SLX9: variants seen among roughly 807,000 people sequenced by gnomAD.
The protein encoded by SLX9 is ribosome biogenesis protein SLX9 homolog.
In SLX9, 19 loss-of-function variants were observed where a neutral mutation model predicts 20.8. The observed-to-expected ratio is 0.91, with a 90% CI of 0.64 to 1.34. The LOEUF is 1.34. Among genes scored for constraint, SLX9 ranks in the 40% most tolerant of loss-of-function variants. SLX9 has a pLI of 0.00. For synonymous variants in SLX9, 113 were observed against 137.1 expected (o/e 0.82, Z 1.23); for missense variants, 299 against 322.2 (o/e 0.93, Z 0.55).
At chr21:44,962,066 C>T (rs1219564886) in intron 3 of SLX9, among the ~76,000 whole-genome samples, 1 of 152,244 alleles carries the variant, frequency 6.6e-6, no homozygotes, top group Admixed American at 6.5e-5. Flanking sequence ...CATCTACCAA[C>T]ATGGGTTTTT....
At chr21:44,953,636 G>C (rs1383133632) in intron 2 of SLX9, among the ~76,000 whole-genome samples, 1 of 152,254 alleles carries the variant, frequency 6.6e-6, no homozygotes, top group Non-Finnish European at 1.5e-5. Context: ...TTCCTTTCCA[G>C]GTGGGATGGG....
chr21:44,967,814 G>A lies in SLX9; in HGVS notation c.500+633G>A, dbSNP rs117896085. On this transcript the variant is annotated intron_variant, in intron 4 of 5. Transcript: ENST00000291634. ...GTCCTCATGGGGCGGGAGCTGCCTC[G>A]TGCGTCCTCCCCAGGAGGGACGGGG... 2.3e-3 allele frequency among the ~76,000 whole-genome samples: 357 copies of A among 152,306 alleles called. 1 individual carries two copies. The highest frequency in any genetic ancestry group is 3.2e-3 in the Non-Finnish European group (219 of 67,994).
intron 4 of SLX9, among the ~76,000 whole-genome samples, chr21:44,970,364 C>G (rs1196730927): frequency 6.6e-6 from 1 of 152,158 alleles, no homozygotes; most frequent in African/African-American, 2.4e-5. Flanking sequence ...GGAGTTCTTG[C>G]AGTTGCCCCC....
intron 2 of SLX9, among the ~76,000 whole-genome samples, chr21:44,951,811 C>G (rs903421618): frequency 1.3e-5 from 2 of 152,076 alleles, no homozygotes; most frequent in Non-Finnish European, 2.9e-5. Flanking sequence ...CAGGAAAGGC[C>G]CTTAGCTAGC....
intron 2 of SLX9, among the ~76,000 whole-genome samples, chr21:44,954,631 C>T (rs2084821554): frequency 6.6e-6 from 1 of 152,336 alleles, no homozygotes; most frequent in Non-Finnish European, 1.5e-5. Flanking sequence ...GCCTGGGCTC[C>T]TCAGCACAGT....
intron 2 of SLX9, among the ~76,000 whole-genome samples, chr21:44,956,927 A>C (rs1328420674): frequency 6.6e-6 from 1 of 152,240 alleles, no homozygotes; most frequent in Non-Finnish European, 1.5e-5. Flanking sequence ...GCAAGAGCCC[A>C]GGCAGCACCG....
chr21:44,961,993 C>G (rs1472964279), intron 3 of SLX9, among the ~76,000 whole-genome samples: 1 of 152,200 alleles, frequency 6.6e-6, no homozygotes, highest in Non-Finnish European at 1.5e-5. Flanking sequence ...AGGGAATACC[C>G]TGTACCCACC....
chr21:44,976,612 T>C, intron 5 of SLX9, 68 bp from the exon 6 acceptor site: 1 of 1,534,514 alleles, frequency 6.5e-7, no homozygotes, highest in Non-Finnish European at 8.8e-7. Flanking sequence ...GTCTGACGTT[T>C]CCGGGTGTTG....
At chr21:44,961,153 A>G (rs8129282) in intron 3 of SLX9, among the ~76,000 whole-genome samples, 8,241 of 152,186 alleles carry the variant, frequency 0.054, 714 homozygotes, top group African/African-American at 0.19. Flanking sequence ...TGGACGGGCT[A>G]CTGGACTGTG....
intron 5 of SLX9, among the ~76,000 whole-genome samples, chr21:44,974,665 C>CA (rs1443164248): frequency 6.6e-6 from 1 of 152,190 alleles, no homozygotes; most frequent in Non-Finnish European, 1.5e-5. Flanking sequence ...TCCTGGGCTG[C>CA]AGCGATCCTC....
chr21:44,941,688 CT>C (rs2070659298), intron 1 of SLX9, among the ~76,000 whole-genome samples: 1 of 152,220 alleles, frequency 6.6e-6, no homozygotes, highest in South Asian at 2.1e-4. Flanking sequence ...AGTCCCTCTG[CT>C]CACTCCTGGT....
At chr21:44,943,572 T>A in intron 1 of SLX9, 112 bp from the exon 2 acceptor site, 1 of 1,428,186 alleles carries the variant, frequency 7.0e-7, no homozygotes, top group Non-Finnish European at 9.6e-7. Flanking sequence ...GCAGAGAAGC[T>A]GGGGAATCCA....
At chr21:44,941,516 T>G (rs552358037) in intron 1 of SLX9, among the ~76,000 whole-genome samples, 2 of 152,148 alleles carry the variant, frequency 1.3e-5, no homozygotes, top group East Asian at 3.9e-4. Context: ...CTTAAGCTCC[T>G]CACTGGTCAG....
chr21:44,976,666 C>T lies in SLX9; in HGVS notation c.570-14C>T. The stretch of plus-strand genomic sequence containing the variant: ...GGGTTCCTGCCTGCTGATCTGTGGT[C>T]TCCATTCTTTCAGCGAGGAAGAAAG... On this transcript the variant is annotated splice_polypyrimidine_tract_variant and intron_variant, in intron 5 of 5. Transcript: ENST00000291634. The T allele has an allele frequency of 6.3e-7, 1 of 1,578,528 alleles. No homozygotes were observed. Among genetic ancestry groups the T allele is most frequent in the South Asian group, 1.2e-5 (1 of 86,702 alleles).
Position 44,954,746 on chromosome 21 carries a change from C to T in SLX9, c.284-5354C>T, listed in dbSNP as rs550659279. 7.2e-5 allele frequency among the ~76,000 whole-genome samples: 11 copies of T among 152,212 alleles called. 1 individual carries two copies. Among genetic ancestry groups the T allele is most frequent in the Non-Finnish European group, 1.2e-4 (8 of 68,038 alleles). On this transcript the variant is annotated intron_variant, in intron 2 of 5. Transcript: ENST00000291634. ...TCTGCGGTGCTGCTGGTACTTTCCT[C>T]GCCACAAACCTCGGCGGGGGGTGTC...
At chr21:44,968,072 G>A (rs996575357) in intron 4 of SLX9, among the ~76,000 whole-genome samples, 1 of 151,426 alleles carries the variant, frequency 6.6e-6, no homozygotes, top group Non-Finnish European at 1.5e-5. Flanking sequence ...GCCTGGGCCT[G>A]GGCCTGGACC....
intron 3 of SLX9, among the ~76,000 whole-genome samples, chr21:44,963,638 G>A (rs1231015658): frequency 6.6e-6 from 1 of 151,808 alleles, no homozygotes; most frequent in Non-Finnish European, 1.5e-5. Flanking sequence ...TGGATATTCA[G>A]CTGTTCCAGC....
intron 4 of SLX9, among the ~76,000 whole-genome samples, chr21:44,972,384 G>A (rs1269656518): frequency 6.6e-6 from 1 of 152,198 alleles, no homozygotes; most frequent in Non-Finnish European, 1.5e-5. Flanking sequence ...GCGGGCAGCC[G>A]GAGCCTGCCT....
At chr21:44,941,206 A>G (rs1266618882) in intron 1 of SLX9, among the ~76,000 whole-genome samples, 3 of 152,040 alleles carry the variant, frequency 2.0e-5, no homozygotes, top group Non-Finnish European at 2.9e-5. Flanking sequence ...TATAATGCCT[A>G]CTCTGAATTC....
Sources: allele counts gnomAD v4.1 joint callset (sites outside exome capture counted in the v4.1 genomes callset), GRCh38; gene constraint gnomAD v4.1.1; transcripts MANE v1.5; gene names NCBI Gene and HGNC (gene_info 2026-07-23, HGNC 2026-07-21).